The following CD248 variants were observed in gnomAD, a reference collection of about 807,000 sequenced individuals.
CD248 encodes the protein CD248 molecule, also known as endosialin.
Under a neutral mutation model 8.0 loss-of-function variants are expected in CD248, and 7 were observed. The observed-to-expected ratio is 0.88, with a 90% CI of 0.50 to 1.64. CD248 has a LOEUF of 1.64. Ranked by LOEUF, CD248 falls within the 40% of genes most tolerant of loss-of-function variation. The probability of loss-of-function intolerance (pLI) is 0.00; values close to 1 mark genes in which losing one functional copy is unlikely to be tolerated. For synonymous variants in CD248, 418 were observed against 437.1 expected, an observed-to-expected ratio of 0.96 and a Z score of 0.54; for missense variants, 912 against 1,027.2, an observed-to-expected ratio of 0.89 and a Z score of 1.53.
Position 66,314,520 on chromosome 11 carries a change from A to G in CD248, c.*234T>C, listed in dbSNP as rs1854519824. ...AAGGTTGACACCCCATTTATTGGAGAAGACCCCAGCACCCGCCCCCTGAGG... is the reference window on the plus strand; with the variant it reads ...AAGGTTGACACCCCATTTATTGGAGGAGACCCCAGCACCCGCCCCCTGAGG... On this transcript the variant is annotated 3_prime_UTR_variant, in exon 1 of 1. Transcript: ENST00000311330. This position sits in a 1 kb window ranked among gnomAD's most constrained non-coding sequence, Gnocchi z 4.0. 2 of 497,846 alleles carry G rather than the reference A, an allele frequency of 4.0e-6. No homozygotes were observed. The highest frequency in any genetic ancestry group is 7.2e-6 in the Non-Finnish European group (2 of 277,550). The allele number at this position is 497,846 out of a possible 1,614,324, so 30.8% of individuals were successfully genotyped here.
At position 66,315,467 on chromosome 11, in the gene CD248, A is replaced by G. The variant is rs758930097; in HGVS notation, c.1561T>C (p.Tyr521His). Residue 521 changes from tyrosine (Y) to histidine (H), a missense_variant, in exon 1 of 1, where the codon TAT becomes CAT. Tyr to His is a moderately conservative substitution (Grantham distance 83, BLOSUM62 2). This residue lies in a region of CD248 where 507 missense variants were observed against 562.2 expected (regional missense o/e 0.90). Coordinates refer to ENST00000311330, the MANE Select transcript of CD248 (RefSeq NM_020404.3). This position sits in a 1 kb window ranked among gnomAD's most constrained non-coding sequence, Gnocchi z 4.3. ...AHQPPMISTK[Y>H]PELFPAHQSP... ...TGGTGGGCAGGGAAGAGCTCCGGAT[A>G]TTTGGTTGAGATCATAGGGGGCTGG... 1.2e-6 allele frequency: 2 copies of G among 1,613,212 alleles called. No individual in the cohort carries two copies. The highest frequency in any genetic ancestry group is 2.2e-5 in the South Asian group (2 of 91,060).
chr11:66,316,222 C>A lies in CD248; in HGVS notation c.806G>T (p.Arg269Leu). The A allele has an allele frequency of 1.9e-6, 3 of 1,613,212 alleles. No homozygotes were observed. Among genetic ancestry groups the A allele is most frequent in the Non-Finnish European group, 2.5e-6 (3 of 1,179,942 alleles). The change falls in exon 1 of 1, where the codon CGC (arginine) becomes CTC (leucine). Residue 269 changes from arginine to leucine, a missense_variant. By Grantham distance (102) the Arg-to-Leu change is moderately radical. This residue lies in a region of CD248 where 403 missense variants were observed against 446.2 expected (regional missense o/e 0.90). Transcript: ENST00000311330. ...CTGGGCACAGGGGTCCTCGCAACTG[C>A]GCCCGTCTGCTGCCAGCCGGAAGCC... ...TEGFRLAADG[R>L]SCEDPCAQAP...
rs1194654549 is a variant in CD248 at position 66,315,560 on chromosome 11, G to C, written c.1468C>G (p.Pro490Ala). The C allele has an allele frequency of 1.2e-5, 19 of 1,613,988 alleles. No individual in the cohort carries two copies. The highest frequency in any genetic ancestry group is 1.6e-5 in the Non-Finnish European group (19 of 1,179,926). The change falls in exon 1 of 1, where the codon CCA (proline) becomes GCA (alanine). Residue 490 changes from proline (P) to alanine (A), a missense_variant. Transcript: ENST00000311330. The surrounding 1 kb of genome is among the most constrained non-coding windows in gnomAD (Gnocchi z 4.3). ...HQIPVIAANY[P>A]DLPSAYQPGI... ...GGTTGGTAGGCAGAAGGCAGATCTG[G>C]ATAGTTGGCTGCGATCACGGGGATC...
rs1854520318 is a variant in CD248 at position 66,314,559 on chromosome 11, G to A, written c.*195C>T. 1 of 581,076 alleles carries A rather than the reference G, an allele frequency of 1.7e-6. No homozygotes were observed. The highest frequency in any genetic ancestry group is 1.9e-5 in the African/African-American group (1 of 53,708). 36.0% of individuals were successfully genotyped at this position (581,076 alleles called of 1,614,324 possible). A position where few individuals can be genotyped will look rare whatever the true frequency, so the allele number is the denominator to read the frequency against. ...CGCCCCCTGAGGTCTTAAGGGCTTT[G>A]GTGTATCCTTGGTCACGAGCGCTGG... is the stretch of plus-strand genomic sequence containing the variant. On this transcript the variant is annotated 3_prime_UTR_variant, in exon 1 of 1. Coordinates refer to ENST00000311330, the MANE Select transcript of CD248 (RefSeq NM_020404.3). This position sits in a 1 kb window ranked among gnomAD's most constrained non-coding sequence, Gnocchi z 4.0.
Position 66,315,884 on chromosome 11 carries a change from A to G in CD248, c.1144T>C (p.Trp382Arg). 9 of 1,613,898 alleles carry G rather than the reference A, an allele frequency of 5.6e-6. No individual in the cohort carries two copies. Among genetic ancestry groups the G allele is most frequent in the Non-Finnish European group, 7.6e-6 (9 of 1,180,008 alleles). ...GTCCAGCCACCGTTGAAGGCCTTCC[A>G]GGCCTCGTCTTCATCTTCCTCATCC... is the stretch of plus-strand genomic sequence containing the variant. ...GEDEEDEDEA[W>R]KAFNGGWTEM... Residue 382 changes from tryptophan (W) to arginine (R), a missense_variant, in exon 1 of 1, where the codon TGG becomes CGG. This residue lies in a region of CD248 where 507 missense variants were observed against 562.2 expected (regional missense o/e 0.90). Coordinates refer to ENST00000311330, the MANE Select transcript of CD248 (RefSeq NM_020404.3). This position sits in a 1 kb window ranked among gnomAD's most constrained non-coding sequence, Gnocchi z 4.3.
In CD248 at chr11:66,316,146, G is replaced by A. The variant is rs1854545246; in HGVS notation, c.882C>T (p.Cys294=). ...CEPGGPQGYS[C]HCRLGFRPAE... is the part of the protein sequence containing the mutation. ...CTGGCCGGAAACCCAGGCGACAGTG[G>A]CAGCTGTAGCCTTGTGGCCCACCGG... Residue 294 remains cysteine, a synonymous_variant, in exon 1 of 1, where the codon TGC becomes TGT. Transcript: ENST00000311330. 1 of 1,612,684 alleles carries A rather than the reference G, an allele frequency of 6.2e-7. No individual in the cohort carries two copies. The highest frequency in any genetic ancestry group is 1.1e-5 in the South Asian group (1 of 91,088).
rs902811303 is a variant in CD248, at chr11:66,316,647, C to T, written c.381G>A (p.Pro127=). ...CCTCCAGGGCCACACAGCGCTGGGC[C>T]GGGCAGGGGCCTCCAGAGGCTGGCT... ...WAQPASGGPC[P]AQRCVALEAS... Residue 127 remains proline, a synonymous_variant, in exon 1 of 1, where the codon CCG becomes CCA. Transcript: ENST00000311330. 6.9e-6 allele frequency: 11 copies of T among 1,605,074 alleles called. No individual in the cohort carries two copies. The highest frequency in any genetic ancestry group is 6.7e-5 in the East Asian group (3 of 44,850).
Position 66,315,092 on chromosome 11 carries a change from G to A in CD248, c.1936C>T (p.Pro646Ser). 2.6e-6 allele frequency: 4 copies of A among 1,558,232 alleles called. No homozygotes were observed. The highest frequency in any genetic ancestry group is 3.5e-6 in the Non-Finnish European group (4 of 1,151,360). Residue 646 changes from proline to serine, a missense_variant, in exon 1 of 1, where the codon CCA (proline) becomes TCA (serine). Coordinates refer to ENST00000311330, the MANE Select transcript of CD248 (RefSeq NM_020404.3). This position sits in a 1 kb window ranked among gnomAD's most constrained non-coding sequence, Gnocchi z 4.3. ...TTGGGACTGGGGCCATCTTCCCTTG[G>A]GATTTGGGGGGCTTTGGAATGGGGA... is the stretch of plus-strand genomic sequence containing the variant. ...THPHSKAPQI[P>S]REDGPSPKLA...
In CD248 at chr11:66,316,310, C is replaced by T. The variant is rs759120014; in HGVS notation, c.718G>A (p.Gly240Arg). Residue 240 changes from glycine (G) to arginine (R), a missense_variant, in exon 1 of 1, where the codon GGG becomes AGG. Transcript: ENST00000311330. ...TCCACACATTCGTGTTCGCAGCCCC[C>T]GTTGTCAGGGCTGCAGCCAGTCCCC... is the stretch of plus-strand genomic sequence containing the variant. ...CLGTGCSPDN[G>R]GCEHECVEEV... The T allele has an allele frequency of 2.6e-5, 42 of 1,612,862 alleles. No homozygotes were observed. Among genetic ancestry groups the T allele is most frequent in the East Asian group, 4.5e-5 (2 of 44,888 alleles).
In CD248 at chr11:66,316,914, G is replaced by T; in HGVS notation, c.114C>A (p.Phe38Leu). Residue 38 changes from phenylalanine (F) to leucine (L), a missense_variant, in exon 1 of 1, where the codon TTC (phenylalanine) becomes TTA (leucine). Physicochemically the swap from Phe to Leu is conservative, Grantham distance 22. This residue lies in a region of CD248 where 403 missense variants were observed against 446.2 expected (regional missense o/e 0.90). Coordinates refer to ENST00000311330, the MANE Select transcript of CD248 (RefSeq NM_020404.3). ...ACGPSSCYAL[F>L]PRRRTFLEAW... ...CCTCCAGGAAGGTGCGGCGCCGTGGGAAGAGAGCGTAGCAGCTGCTGGGGC... is the reference window on the plus strand; with the variant it reads ...CCTCCAGGAAGGTGCGGCGCCGTGGTAAGAGAGCGTAGCAGCTGCTGGGGC... The T allele has an allele frequency of 6.4e-7, 1 of 1,560,070 alleles. No homozygotes were observed. Among genetic ancestry groups the T allele is most frequent in the Non-Finnish European group, 8.6e-7 (1 of 1,163,080 alleles).
At position 66,316,403 on chromosome 11, in the gene CD248, C is replaced by T; in HGVS notation, c.625G>A (p.Ala209Thr). 1 of 1,607,646 alleles carries T rather than the reference C, an allele frequency of 6.2e-7. No individual in the cohort carries two copies. Among genetic ancestry groups the T allele is most frequent in the Non-Finnish European group, 8.5e-7 (1 of 1,179,840 alleles). ...GGCTGCTTCACGCAGAGCAGAGAGGCTCCCCTGCCAGCCTGGCACTGCACA... is the reference window on the plus strand; with the variant it reads ...GGCTGCTTCACGCAGAGCAGAGAGGTTCCCCTGCCAGCCTGGCACTGCACA... ...AAVQCQAGRGASLLCVKQPEG... is the reference protein window; with the variant it reads ...AAVQCQAGRGTSLLCVKQPEG... Residue 209 changes from alanine (A) to threonine (T), a missense_variant, in exon 1 of 1, where the codon GCC (alanine) becomes ACC (threonine). Coordinates refer to ENST00000311330, the MANE Select transcript of CD248 (RefSeq NM_020404.3).
rs1198541727 is a variant in CD248, at chr11:66,316,888, G to T, written c.140C>A (p.Ala47Asp). 3.2e-6 allele frequency: 5 copies of T among 1,553,434 alleles called. No individual in the cohort carries two copies. The highest frequency in any genetic ancestry group is 4.3e-6 in the Non-Finnish European group (5 of 1,159,106). The change falls in exon 1 of 1, where the codon GCC (alanine) becomes GAC (aspartate). Residue 47 changes from alanine (A) to aspartate (D), a missense_variant. Physicochemically the swap from Ala to Asp is moderately radical, Grantham distance 126 (BLOSUM62 -2). Around this residue, in one of 3 missense-constraint regions of CD248, gnomAD observed 403 missense variants for 446.2 expected, o/e 0.90. Transcript: ENST00000311330. Reference protein sequence around the residue: ...LFPRRRTFLEAWRACRELGGD... With the variant: ...LFPRRRTFLEDWRACRELGGD... ...CCCCAGCTCGCGGCAGGCCCGCCAG[G>T]CCTCCAGGAAGGTGCGGCGCCGTGG... is the stretch of plus-strand genomic sequence containing the variant.
Position 66,315,280 on chromosome 11 carries a change from G to T in CD248, c.1748C>A (p.Pro583His). 1 of 1,542,456 alleles carries T rather than the reference G, an allele frequency of 6.5e-7. No individual in the cohort carries two copies. Among genetic ancestry groups the T allele is most frequent in the Non-Finnish European group, 8.7e-7 (1 of 1,144,270 alleles). Reference sequence around the variant, plus strand: ...AGAGGGCTGGGCAGTTGGGATAATGGGAAGCTGGGTGGCCTGGGTTCTGAG... The same window carrying T: ...AGAGGGCTGGGCAGTTGGGATAATGTGAAGCTGGGTGGCCTGGGTTCTGAG... ...LVLRTQATQL[P>H]IIPTAQPSLT... The change falls in exon 1 of 1, where the codon CCC becomes CAC. Residue 583 changes from proline (P) to histidine (H), a missense_variant. Transcript: ENST00000311330. The surrounding 1 kb of genome is among the most constrained non-coding windows in gnomAD (Gnocchi z 4.3).
rs765008534 is a variant in CD248 at position 66,315,564 on chromosome 11, G to T, written c.1464C>A (p.Asn488Lys). Residue 488 changes from asparagine to lysine, a missense_variant, in exon 1 of 1, where the codon AAC becomes AAA. This residue lies in a region of CD248 where 507 missense variants were observed against 562.2 expected (regional missense o/e 0.90). Transcript: ENST00000311330. This position sits in a 1 kb window ranked among gnomAD's most constrained non-coding sequence, Gnocchi z 4.3. ...RDHQIPVIAA[N>K]YPDLPSAYQP... The stretch of plus-strand genomic sequence containing the variant: ...GGTAGGCAGAAGGCAGATCTGGATA[G>T]TTGGCTGCGATCACGGGGATCTGGT... 1.2e-5 allele frequency: 19 copies of T among 1,613,916 alleles called. No individual in the cohort carries two copies. The highest frequency in any genetic ancestry group is 1.6e-4 in the Middle Eastern group (1 of 6,084).
Position 66,315,611 on chromosome 11 carries a change from G to A in CD248, c.1417C>T (p.His473Tyr), listed in dbSNP as rs369094926. 2.9e-4 allele frequency: 470 copies of A among 1,613,976 alleles called. 4 individuals are homozygous for A. The South Asian group carries it at 4.0e-3, about 14-fold the overall frequency. ...AHQPPVIPATHPALSRDHQIP... is the reference protein window; with the variant it reads ...AHQPPVIPATYPALSRDHQIP... ...TGGTGGTCACGGGACAAAGCTGGGT[G>A]TGTGGCAGGGATCACAGGAGGCTGG... Residue 473 changes from histidine to tyrosine, a missense_variant, in exon 1 of 1, where the codon CAC (histidine) becomes TAC (tyrosine). Transcript: ENST00000311330. The surrounding 1 kb of genome is among the most constrained non-coding windows in gnomAD (Gnocchi z 4.3).
In CD248 at chr11:66,314,505, C is replaced by T. The variant is rs1052289412; in HGVS notation, c.*249G>A. The T allele has an allele frequency of 8.3e-6, 4 of 484,470 alleles. No individual in the cohort carries two copies. Among genetic ancestry groups the T allele is most frequent in the African/African-American group, 3.8e-5 (2 of 52,502 alleles). The allele number at this position is 484,470 out of a possible 1,614,324, so 30.0% of individuals were successfully genotyped here. ...TCAGAAGCCTTGGGTAAGGTTGACA[C>T]CCCATTTATTGGAGAAGACCCCAGC... On this transcript the variant is annotated 3_prime_UTR_variant, in exon 1 of 1. Coordinates refer to ENST00000311330, the MANE Select transcript of CD248 (RefSeq NM_020404.3). The surrounding 1 kb of genome is among the most constrained non-coding windows in gnomAD (Gnocchi z 4.0).
rs781731092 is a variant in CD248, at chr11:66,316,844, G to C, written c.184C>G (p.Arg62Gly). ...RELGGDLATP[R>G]TPEEAQRVDS... is the part of the protein sequence containing the mutation. ...ACACGCTGGGCCTCCTCGGGGGTCC[G>C]AGGAGTGGCCAGGTCGCCCCCCAGC... The change falls in exon 1 of 1, where the codon CGG becomes GGG. Residue 62 changes from arginine (R) to glycine (G), a missense_variant. Around this residue, in one of 3 missense-constraint regions of CD248, gnomAD observed 403 missense variants for 446.2 expected, o/e 0.90. Transcript: ENST00000311330. The C allele has an allele frequency of 8.3e-6, 13 of 1,559,614 alleles. No homozygotes were observed. Among genetic ancestry groups the C allele is most frequent in the Admixed American group, 1.8e-5 (1 of 54,770 alleles).
rs113994216 is a variant in CD248, at chr11:66,314,711, T to A, written c.*43A>T. ...TGGGTCCCTGGTGCAGCCCCGGCCA[T>A]GTGTCCAGCGCCCCATACTCCATGA... On this transcript the variant is annotated 3_prime_UTR_variant, in exon 1 of 1. Transcript: ENST00000311330. The surrounding 1 kb of genome is among the most constrained non-coding windows in gnomAD (Gnocchi z 4.0). The A allele has an allele frequency of 1.6e-3, 2,453 of 1,490,908 alleles. 30 individuals are homozygous for A. In the African/African-American group the frequency reaches 0.029, roughly 18 times the overall value. 92.4% of individuals were successfully genotyped at this position (1,490,908 alleles called of 1,614,324 possible). A position where few individuals can be genotyped will look rare whatever the true frequency, so the allele number is the denominator to read the frequency against.
In CD248 at chr11:66,315,118, T is replaced by C; in HGVS notation, c.1910A>G (p.His637Arg). ...TNQTSPISPT[H>R]PHSKAPQIPR... is the part of the protein sequence containing the mutation. ...GATTTGGGGGGCTTTGGAATGGGGA[T>C]GTGTAGGGCTGATGGGTGAGGTCTG... is the stretch of plus-strand genomic sequence containing the variant. Residue 637 changes from histidine to arginine, a missense_variant, in exon 1 of 1, where the codon CAT becomes CGT. His to Arg is a conservative substitution (Grantham distance 29). Coordinates refer to ENST00000311330, the MANE Select transcript of CD248 (RefSeq NM_020404.3). The surrounding 1 kb of genome is among the most constrained non-coding windows in gnomAD (Gnocchi z 4.3). The C allele has an allele frequency of 1.3e-6, 2 of 1,546,522 alleles. No individual in the cohort carries two copies. Among genetic ancestry groups the C allele is most frequent in the Non-Finnish European group, 1.7e-6 (2 of 1,146,010 alleles).
Sources: gnomAD v4.1 joint callset for allele counts on GRCh38, gnomAD v4.1.1 for gene constraint, gnomAD v4.1.1 regional missense constraint, Gnocchi (gnomAD v3.1) non-coding constraint, MANE v1.5 for transcripts, NCBI Gene and HGNC (gene_info 2026-07-23, HGNC 2026-07-21) for gene names.